ZNF354B: variants seen among roughly 807,000 people sequenced by gnomAD.
ZNF354B encodes zinc finger protein 354B.
Under a neutral mutation model 12.9 loss-of-function variants are expected in ZNF354B, and 10 were observed. The observed-to-expected ratio is 0.77, with a 90% confidence interval of 0.48 to 1.31. The LOEUF (loss-of-function observed/expected upper bound fraction) is 1.31. ZNF354B is among the 40% of genes most tolerant of loss of function. The probability of loss-of-function intolerance (pLI) is 0.00; values close to 1 mark genes in which losing one functional copy is unlikely to be tolerated. For synonymous variants in ZNF354B, 260 were observed against 243.7 expected, an observed-to-expected ratio of 1.07 and a Z score of -0.62; for missense variants, 614 against 711.7, an observed-to-expected ratio of 0.86 and a Z score of 1.56.
In ZNF354B at chr5:178,861,599, A is replaced by T. The variant is rs557990772; in HGVS notation, c.33+519A>T. Among the ~76,000 whole-genome samples the T allele has an allele frequency of 4.6e-5, 7 of 152,264 alleles. No homozygotes were observed. In the South Asian group the frequency reaches 1.5e-3, roughly 32 times the overall value. Reference sequence around the variant, plus strand: ...TTTTCATTTTTGTGTAGTGGGAATGAGGAGGCCACCCTTTCTAGTTGAGAC... The same window carrying T: ...TTTTCATTTTTGTGTAGTGGGAATGTGGAGGCCACCCTTTCTAGTTGAGAC... On this transcript the variant is annotated intron_variant, in intron 2 of 4. Coordinates refer to ENST00000322434, the MANE Select transcript of ZNF354B (RefSeq NM_058230.3).
At position 178,874,501 on chromosome 5, in the gene ZNF354B, C is replaced by T. The variant is rs145015993; in HGVS notation, c.256+7430C>T. 3.8e-3 allele frequency among the ~76,000 whole-genome samples: 581 copies of T among 152,286 alleles called. 8 individuals are homozygous for T. Among genetic ancestry groups the T allele is most frequent in the African/African-American group, 0.013 (521 of 41,556 alleles). ...TGAGTTCAGAGAGCCAGACTTTGAG[C>T]TCTGAGATTTTTTCCTCAGCTTGGT... On this transcript the variant is annotated intron_variant, in intron 4 of 4. Coordinates refer to ENST00000322434, the MANE Select transcript of ZNF354B (RefSeq NM_058230.3).
rs1757516532 is a variant in ZNF354B, at chr5:178,869,179, C to T, written c.256+2108C>T. On this transcript the variant is annotated intron_variant, in intron 4 of 4. Coordinates refer to ENST00000322434, the MANE Select transcript of ZNF354B (RefSeq NM_058230.3). Reference sequence around the variant, plus strand: ...GCAGCTGCCAGCGCATGTGAGGAACCTGACCGCCACAGTGCAGGGCTTGTC... The same window carrying T: ...GCAGCTGCCAGCGCATGTGAGGAACTTGACCGCCACAGTGCAGGGCTTGTC... Among the ~76,000 whole-genome samples the T allele has an allele frequency of 3.3e-5, 5 of 152,174 alleles. No individual in the cohort carries two copies. The South Asian group carries it at 1.0e-3, about 31-fold the overall frequency.
Position 178,884,317 on chromosome 5 carries a change from G to T in ZNF354B, c.*26G>T, listed in dbSNP as rs182051593. 2.6e-6 allele frequency: 4 copies of T among 1,540,698 alleles called. No individual in the cohort carries two copies. In the South Asian group the frequency reaches 3.9e-5, roughly 15 times the overall value. The stretch of plus-strand genomic sequence containing the variant: ...AAGCCTTAAACCAAAACTCATCAGA[G>T]AATACATGCTTGAGAGTGATTTATT... On this transcript the variant is annotated 3_prime_UTR_variant, in exon 5 of 5. Transcript: ENST00000322434.
intron 4 of ZNF354B, among the ~76,000 whole-genome samples, chr5:178,871,433 C>A (rs202087042): frequency 6.6e-6 from 1 of 152,228 alleles, no homozygotes; most frequent in Non-Finnish European, 1.5e-5. Flanking sequence ...TCATCTGACA[C>A]GCAGCCCTGC....
chr5:178,874,209 G>A (rs952420445), intron 4 of ZNF354B, among the ~76,000 whole-genome samples: 1 of 152,080 alleles, frequency 6.6e-6, no homozygotes, highest in Admixed American at 6.6e-5. Flanking sequence ...CACCTGCCTC[G>A]ACCTTTCAGA....
At chr5:178,880,416 T>G (rs1365333097) in intron 4 of ZNF354B, among the ~76,000 whole-genome samples, 7 of 151,820 alleles carry the variant, frequency 4.6e-5, no homozygotes, top group African/African-American at 1.7e-4. Context: ...GCCAGGATGG[T>G]CTCGATCTCC....
At chr5:178,873,848 C>G (rs1757596841) in intron 4 of ZNF354B, among the ~76,000 whole-genome samples, 1 of 151,942 alleles carries the variant, frequency 6.6e-6, no homozygotes, top group South Asian at 2.1e-4. Context: ...TGTGTTTAGT[C>G]TTCCAATCTG....
chr5:178,870,907 A>T (rs1429292610), intron 4 of ZNF354B, among the ~76,000 whole-genome samples: 1 of 151,526 alleles, frequency 6.6e-6, no homozygotes, highest in South Asian at 2.1e-4. Flanking sequence ...CAATCCTCCC[A>T]TGTCAGCCTC....
intron 4 of ZNF354B, among the ~76,000 whole-genome samples, chr5:178,868,322 C>T (rs890162205): frequency 6.8e-6 from 1 of 146,344 alleles, no homozygotes; most frequent in African/African-American, 2.6e-5. Flanking sequence ...TGACAGAGCC[C>T]GAGAAGTAAT....
At chr5:178,872,251 T>C (rs1204598751) in intron 4 of ZNF354B, among the ~76,000 whole-genome samples, 1 of 147,418 alleles carries the variant, frequency 6.8e-6, no homozygotes, top group Non-Finnish European at 1.5e-5. Flanking sequence ...TACAACGTTA[T>C]GGGATTTTTT....
At chr5:178,876,229 C>G (rs1412893516) in intron 4 of ZNF354B, among the ~76,000 whole-genome samples, 1 of 152,202 alleles carries the variant, frequency 6.6e-6, no homozygotes, top group East Asian at 1.9e-4. Context: ...GCTGGAGTCC[C>G]AGGTCGGGAG....
At chr5:178,880,181 C>T (rs1437590945) in intron 4 of ZNF354B, among the ~76,000 whole-genome samples, 3 of 151,904 alleles carry the variant, frequency 2.0e-5, no homozygotes, top group Non-Finnish European at 4.4e-5. Context: ...TATTCGTCAT[C>T]CAATTTCTTT....
intron 2 of ZNF354B, among the ~76,000 whole-genome samples, chr5:178,864,747 C>T (rs531604828): frequency 2.6e-5 from 4 of 151,778 alleles, no homozygotes; most frequent in South Asian, 2.1e-4. Context: ...CTCAACCTCC[C>T]GAGTAGCTGG....
intron 2 of ZNF354B, among the ~76,000 whole-genome samples, chr5:178,862,893 G>A (rs999215903): frequency 7.2e-5 from 11 of 152,166 alleles, no homozygotes; most frequent in Non-Finnish European, 1.3e-4. Flanking sequence ...GTAATGTGTA[G>A]ACCTGTGTGT....
At chr5:178,871,827 G>T (rs1227538734) in intron 4 of ZNF354B, among the ~76,000 whole-genome samples, 1 of 152,216 alleles carries the variant, frequency 6.6e-6, no homozygotes, top group African/African-American at 2.4e-5. Flanking sequence ...CATTCAATGA[G>T]ATACTACCAC....
chr5:178,877,582 G>A (rs1466960495), intron 4 of ZNF354B, among the ~76,000 whole-genome samples: 1 of 152,176 alleles, frequency 6.6e-6, no homozygotes, highest in Non-Finnish European at 1.5e-5. Context: ...AGTGGGGATT[G>A]CAAAAATGGC....
intron 2 of ZNF354B, among the ~76,000 whole-genome samples, chr5:178,862,535 T>C (rs1018340653): frequency 1.3e-5 from 2 of 151,664 alleles, no homozygotes; most frequent in African/African-American, 4.8e-5. Context: ...CCCGGCTAAT[T>C]TTTTTTTGTA....
In ZNF354B at chr5:178,866,386, C is replaced by T. The variant is rs747636612; in HGVS notation, c.160+16C>T. The T allele has an allele frequency of 1.2e-6, 2 of 1,601,936 alleles. No individual in the cohort carries two copies. Among genetic ancestry groups the T allele is most frequent in the South Asian group, 1.1e-5 (1 of 89,544 alleles). The stretch of plus-strand genomic sequence containing the variant: ...GTCTCACTGGGTAAGGAAATTTCCC[C>T]TCTAGAAACAGAATTCAAAAATTGG... On this transcript the variant is annotated intron_variant, in intron 3 of 4. Transcript: ENST00000322434.
rs541320282 is a variant in ZNF354B at position 178,876,904 on chromosome 5, C to A, written c.257-5805C>A. Among the ~76,000 whole-genome samples, 3 of 148,118 alleles carry A rather than the reference C, an allele frequency of 2.0e-5. No individual in the cohort carries two copies. In the East Asian group the frequency reaches 5.8e-4, roughly 29 times the overall value. On this transcript the variant is annotated intron_variant, in intron 4 of 4. Coordinates refer to ENST00000322434, the MANE Select transcript of ZNF354B (RefSeq NM_058230.3). ...ATTTATTTTTTTCCATTGACTGAAC[C>A]ATACTTTCCTATTTTTTTATGCCTT...
Sources: allele counts gnomAD v4.1 joint callset (sites outside exome capture counted in the v4.1 genomes callset), GRCh38; gene constraint gnomAD v4.1.1; transcripts MANE v1.5; gene names NCBI Gene and HGNC (gene_info 2026-07-23, HGNC 2026-07-21).